PIK3C3: variants seen among roughly 807,000 people sequenced by gnomAD.
The protein encoded by PIK3C3 is PI3-kinase type 3.
Under a neutral mutation model 126.1 loss-of-function variants are expected in PIK3C3, and 95 were observed. The observed-to-expected ratio is 0.75, with a 90% CI of 0.64 to 0.89. The LOEUF (loss-of-function observed/expected upper bound fraction) is 0.89. Among genes scored for constraint, PIK3C3 ranks in the 40% least tolerant of loss-of-function variants. The pLI, the probability that PIK3C3 is intolerant of heterozygous loss-of-function variation, is 0.00. For missense variants in PIK3C3, 829 were observed against 1,063.2 expected (o/e 0.78, Z 3.06); for synonymous variants, 374 against 360.0 (o/e 1.04, Z -0.44).
At chr18:41,967,977 G>A (rs1217632226) in intron 3 of PIK3C3, among the ~76,000 whole-genome samples, 1 of 152,180 alleles carries the variant, frequency 6.6e-6, no homozygotes, top group African/African-American at 2.4e-5. Flanking sequence ...GATGCTCTGA[G>A]CATCTTCTGC....
At chr18:42,038,461 C>T (rs1984158025) in intron 17 of PIK3C3, among the ~76,000 whole-genome samples, 1 of 152,034 alleles carries the variant, frequency 6.6e-6, no homozygotes, top group Non-Finnish European at 1.5e-5. Context: ...CCTGCCTCAG[C>T]CTCCCGAGTA....
At position 42,064,871 on chromosome 18, in the gene PIK3C3, A is replaced by T. The variant is rs753222759; in HGVS notation, c.2523+41A>T. ...CATAAATGAAGAGCTCTTCTGTATAATTTTTCCATATTCCAGAATACAACA... is the reference window on the plus strand; with the variant it reads ...CATAAATGAAGAGCTCTTCTGTATATTTTTTCCATATTCCAGAATACAACA... On this transcript the variant is annotated intron_variant, in intron 23 of 24. Coordinates refer to ENST00000262039, the MANE Select transcript of PIK3C3 (RefSeq NM_002647.4). 3.8e-6 allele frequency: 4 copies of T among 1,060,118 alleles called. No individual in the cohort carries two copies. The Admixed American group carries it at 5.3e-5, about 14-fold the overall frequency. 65.7% of individuals were successfully genotyped at this position (1,060,118 alleles called of 1,614,324 possible). A position where few individuals can be genotyped will look rare whatever the true frequency, so the allele number is the denominator to read the frequency against.
At chr18:42,007,551 TA>T in intron 10 of PIK3C3, among the ~76,000 whole-genome samples, 1 of 152,300 alleles carries the variant, frequency 6.6e-6, no homozygotes, top group East Asian at 1.9e-4. Flanking sequence ...TCAATTTTAC[TA>T]AAATCATATA....
intron 3 of PIK3C3, among the ~76,000 whole-genome samples, chr18:41,965,670 G>C (rs1254909347): frequency 6.6e-6 from 1 of 152,094 alleles, no homozygotes; most frequent in African/African-American, 2.4e-5. Flanking sequence ...TGACCTTTGT[G>C]ATAGTTTATT....
At chr18:42,027,995 A>G (rs1204402005) in intron 14 of PIK3C3, among the ~76,000 whole-genome samples, 1 of 152,112 alleles carries the variant, frequency 6.6e-6, no homozygotes, top group African/African-American at 2.4e-5. Context: ...AAGAAGAAGA[A>G]TTTGTGATAC....
intron 24 of PIK3C3, among the ~76,000 whole-genome samples, chr18:42,076,135 T>TGC (rs1210498198): frequency 3.2e-5 from 3 of 92,784 alleles, no homozygotes; most frequent in Admixed American, 1.1e-4. Flanking sequence ...CATATATATA[T>TGC]ATATATATGC....
intron 4 of PIK3C3, among the ~76,000 whole-genome samples, chr18:41,978,052 C>G (rs138253666): frequency 2.6e-5 from 4 of 152,266 alleles, no homozygotes; most frequent in Admixed American, 6.5e-5. Flanking sequence ...GCCTCAGTCT[C>G]CCGGACTCAA....
At chr18:42,038,907 C>T in intron 18 of PIK3C3, 57 bp downstream of exon 18, 1 of 1,172,262 alleles carries the variant, frequency 8.5e-7, no homozygotes, top group Non-Finnish European at 1.2e-6. Context: ...TGTACTTTTT[C>T]AAATTGAAAA....
intron 13 of PIK3C3, among the ~76,000 whole-genome samples, chr18:42,024,479 A>T (rs2144427670): frequency 6.6e-6 from 1 of 151,360 alleles, no homozygotes; most frequent in South Asian, 2.1e-4. Context: ...CTTGTTGCCC[A>T]GGCTGGAGTG....
intron 13 of PIK3C3, chr18:42,025,758 A>G (rs570750139): frequency 6.6e-6 from 1 of 152,240 alleles, no homozygotes; most frequent in Non-Finnish European, 1.5e-5. Context: ...ATGGAATTCA[A>G]GATTAGACCT....
intron 13 of PIK3C3, among the ~76,000 whole-genome samples, chr18:42,025,037 C>T (rs1027743618): frequency 1.3e-5 from 2 of 152,034 alleles, no homozygotes; most frequent in African/African-American, 4.8e-5. Flanking sequence ...TGGTCTCGAT[C>T]TCCTGACCTC....
At position 42,043,758 on chromosome 18, in the gene PIK3C3, G is replaced by A; in HGVS notation, c.2129G>A (p.Ser710Asn). The A allele has an allele frequency of 1.9e-6, 3 of 1,612,914 alleles. No homozygotes were observed. The highest frequency in any genetic ancestry group is 2.2e-5 in the East Asian group (1 of 44,838). ...IQNFFRKYAP[S>N]ENGPNGISAE... is the part of the protein sequence containing the mutation. ...AACTTTTTTAGAAAATATGCACCAAGTGAGAATGGGCCAAATGGGATTAGT... is the reference window on the plus strand; with the variant it reads ...AACTTTTTTAGAAAATATGCACCAAATGAGAATGGGCCAAATGGGATTAGT... Residue 710 changes from serine (S) to asparagine (N), a missense_variant, in exon 20 of 25, where the codon AGT becomes AAT. Physicochemically the swap from Ser to Asn is conservative, Grantham distance 46 (BLOSUM62 1). This residue lies in a region of PIK3C3 where 196 missense variants were observed against 312.8 expected (regional missense o/e 0.63). Coordinates refer to ENST00000262039, the MANE Select transcript of PIK3C3 (RefSeq NM_002647.4).
chr18:41,974,893 G>A (rs781648150), intron 4 of PIK3C3, among the ~76,000 whole-genome samples: 3 of 152,208 alleles, frequency 2.0e-5, no homozygotes, highest in Non-Finnish European at 4.4e-5. Context: ...AAAGGTTAGT[G>A]CAAAAGCATG....
At chr18:42,015,607 T>G in intron 12 of PIK3C3, 41 bp downstream of exon 12, 3 of 1,350,056 alleles carry the variant, frequency 2.2e-6, no homozygotes, top group Non-Finnish European at 3.2e-6. Flanking sequence ...GGAGAGATCC[T>G]ACTGCATGAA....
intron 24 of PIK3C3, among the ~76,000 whole-genome samples, chr18:42,077,097 A>C (rs1986060690): frequency 6.6e-6 from 1 of 152,248 alleles, no homozygotes. Context: ...TATAAAAGTT[A>C]TGTTTACATG....
rs868129435 is a variant in PIK3C3 at position 42,021,750 on chromosome 18, C to G, written c.1484+1045C>G. Among the ~76,000 whole-genome samples the G allele has an allele frequency of 3.3e-5, 5 of 152,248 alleles. No homozygotes were observed. The East Asian group carries it at 9.6e-4, about 29-fold the overall frequency. On this transcript the variant is annotated intron_variant, in intron 13 of 24. Transcript: ENST00000262039. ...ATCCAAAAATTTGAAATCTGAAATG[C>G]TCCAAAATCCAAAACTCTATGATCA... is the stretch of plus-strand genomic sequence containing the variant.
intron 15 of PIK3C3, among the ~76,000 whole-genome samples, chr18:42,031,712 T>A (rs921059346): frequency 1.3e-5 from 2 of 152,214 alleles, no homozygotes; most frequent in African/African-American, 4.8e-5. Context: ...CCACTGTGCC[T>A]GGCCATCTTT....
intron 4 of PIK3C3, among the ~76,000 whole-genome samples, chr18:41,977,279 A>G (rs1046916710): frequency 2.0e-5 from 3 of 152,200 alleles, no homozygotes; most frequent in Non-Finnish European, 4.4e-5. Context: ...TTATTTCATC[A>G]TAGTCAGTGC....
chr18:42,043,956 A>C, intron 20 of PIK3C3, 139 bp downstream of exon 20: 1 of 562,186 alleles, frequency 1.8e-6, no homozygotes, highest in South Asian at 2.6e-5. Flanking sequence ...ATGTTGATTA[A>C]AGTAGTCATT....
Sources: allele counts gnomAD v4.1 joint callset (sites outside exome capture counted in the v4.1 genomes callset), GRCh38; gene constraint gnomAD v4.1.1; regional missense constraint gnomAD v4.1.1; transcripts MANE v1.5; gene names NCBI Gene and HGNC (gene_info 2026-07-23, HGNC 2026-07-21).